The following THBS2 variants were observed in gnomAD, a reference collection of about 807,000 sequenced individuals.
The protein encoded by THBS2 is thrombospondin-2.
THBS2 carries 47 observed loss-of-function variants against 135.2 expected under a neutral mutation model. The observed-to-expected ratio is 0.35, with a 90% CI of 0.28 to 0.44. The LOEUF (loss-of-function observed/expected upper bound fraction) is 0.44. THBS2 is among the 20% of genes least tolerant of loss of function. The probability of loss-of-function intolerance (pLI) is 1.00; values close to 1 mark genes in which losing one functional copy is unlikely to be tolerated. For missense variants in THBS2, 1,288 were observed against 1,603.1 expected, an observed-to-expected ratio of 0.80 and a Z score of 3.36; for synonymous variants, 639 against 633.8, an observed-to-expected ratio of 1.01 and a Z score of -0.12.
chr6:169,218,164 TG>T (rs1454179118), intron 21 of THBS2, among the ~76,000 whole-genome samples: 2 of 121,772 alleles, frequency 1.6e-5, no homozygotes, highest in African/African-American at 3.3e-5. Flanking sequence ...ATGAAATGAG[TG>T]GGTGGATGGA....
intron 13 of THBS2, 58 bp from the exon 14 acceptor site, chr6:169,229,737 G>GAATGC: frequency 7.2e-7 from 1 of 1,391,426 alleles, no homozygotes; most frequent in South Asian, 1.2e-5. Context: ...CCTCTTTCAG[G>GAATGC]AATGCAGGTG....
At chr6:169,227,010 C>T (rs1248361072) in intron 15 of THBS2, among the ~76,000 whole-genome samples, 1 of 152,122 alleles carries the variant, frequency 6.6e-6, no homozygotes, top group East Asian at 1.9e-4. Flanking sequence ...CAGACGCCAT[C>T]CTGGATGGGG....
rs531791522 is a variant in THBS2, at chr6:169,251,676, G to A, written c.-22-870C>T. 1.0e-3 allele frequency among the ~76,000 whole-genome samples: 156 copies of A among 152,288 alleles called. 1 individual carries two copies. The highest frequency in any genetic ancestry group is 2.1e-3 in the African/African-American group (88 of 41,566). On this transcript the variant is annotated intron_variant, in intron 1 of 21. Transcript: ENST00000617924. The stretch of plus-strand genomic sequence containing the variant: ...TCCCATATTTAGAATATCAAAGGCC[G>A]TTAACTTCTCATTGTTAATCCAAGG...
chr6:169,246,324 A>G (rs777483055), intron 3 of THBS2, 43 bp from the exon 4 acceptor site: 10 of 1,493,398 alleles, frequency 6.7e-6, no homozygotes, highest in South Asian at 1.1e-5. Flanking sequence ...ACAGATAAAC[A>G]TCCAATGTTT....
chr6:169,224,828 G>A (rs113625608), intron 17 of THBS2, among the ~76,000 whole-genome samples: 1,627 of 152,154 alleles, frequency 0.011, 30 homozygotes, highest in African/African-American at 0.038. Context: ...TTCATCCTAC[G>A]TTCGTAACCC....
intron 4 of THBS2, among the ~76,000 whole-genome samples, chr6:169,242,469 C>T (rs1780345145): frequency 1.3e-5 from 2 of 151,910 alleles, no homozygotes; most frequent in Admixed American, 6.6e-5. Flanking sequence ...CCTTGCTCTG[C>T]TTTAAAGAAA....
intron 10 of THBS2, among the ~76,000 whole-genome samples, chr6:169,234,068 C>A (rs1779947168): frequency 6.6e-6 from 1 of 151,050 alleles, no homozygotes; most frequent in African/African-American, 2.4e-5. Flanking sequence ...TGCCCATGCA[C>A]CATGTTCCAC....
At chr6:169,224,839 G>A (rs192670388) in intron 17 of THBS2, among the ~76,000 whole-genome samples, 11 of 152,226 alleles carry the variant, frequency 7.2e-5, no homozygotes, top group Admixed American at 2.0e-4. Flanking sequence ...TTCGTAACCC[G>A]CATTCTTTCT....
chr6:169,240,705 T>C, intron 5 of THBS2, 113 bp from the exon 6 acceptor site: 2 of 1,361,992 alleles, frequency 1.5e-6, no homozygotes, highest in Non-Finnish European at 2.0e-6. Context: ...TAAAGTCAAG[T>C]AAGACTTGAC....
chr6:169,236,536 TC>T (rs1780087175), intron 9 of THBS2, among the ~76,000 whole-genome samples: 1 of 94,904 alleles, frequency 1.1e-5, no homozygotes, highest in Admixed American at 1.1e-4. Flanking sequence ...CCACACTCAT[TC>T]CCCATCCACA....
chr6:169,230,306 C>T (rs998392231), intron 13 of THBS2, among the ~76,000 whole-genome samples: 3 of 152,134 alleles, frequency 2.0e-5, no homozygotes, highest in African/African-American at 7.2e-5. Flanking sequence ...ATTGGAAATC[C>T]AGGAAAAGGT....
At chr6:169,236,822 C>T (rs1161754595) in intron 9 of THBS2, among the ~76,000 whole-genome samples, 3 of 151,220 alleles carry the variant, frequency 2.0e-5, no homozygotes, top group African/African-American at 7.3e-5. Flanking sequence ...ACTCACTCCC[C>T]GTCCACACTC....
intron 1 of THBS2, among the ~76,000 whole-genome samples, chr6:169,253,071 CTG>C (rs1200308429): frequency 1.3e-5 from 2 of 152,182 alleles, no homozygotes. Context: ...TTAAAAGTCG[CTG>C]TGTGTCCCGG....
chr6:169,248,507 G>A lies in THBS2; in HGVS notation c.519C>T (p.Phe173=), dbSNP rs117760328. 9.7e-4 allele frequency: 1,560 copies of A among 1,614,022 alleles called. 15 individuals carry two copies. The East Asian group carries it at 0.017, about 18-fold the overall frequency. The change falls in exon 3 of 22, where the codon TTC becomes TTT. Residue 173 remains phenylalanine (F), a synonymous_variant. Coordinates refer to ENST00000617924, the MANE Select transcript of THBS2 (RefSeq NM_003247.5). ...LHVGCDLIDS[F]ALDEPFYEHL... is the part of the protein sequence containing the mutation. The stretch of plus-strand genomic sequence containing the variant: ...GCTCGTAGAAGGGCTCGTCCAGAGC[G>A]AAGCTGTCTATGAGGTCGCAGCCCA...
At chr6:169,227,804 G>A (rs9406326) in intron 15 of THBS2, among the ~76,000 whole-genome samples, 24,862 of 152,210 alleles carry the variant, frequency 0.16, 2,332 homozygotes, top group East Asian at 0.4. Context: ...GCATTGGGCC[G>A]GGCGCGGTGG....
chr6:169,238,265 C>T (rs973209154), intron 7 of THBS2, among the ~76,000 whole-genome samples: 2 of 152,130 alleles, frequency 1.3e-5, no homozygotes, highest in African/African-American at 4.8e-5. Context: ...TCACTTATTT[C>T]CAAGTAAACT....
At chr6:169,242,923 CA>C (rs1420220655) in intron 4 of THBS2, among the ~76,000 whole-genome samples, 1 of 78,382 alleles carries the variant, frequency 1.3e-5, no homozygotes, top group African/African-American at 6.1e-5. Flanking sequence ...ACCTTCCCAC[CA>C]CTCCCACCTT....
chr6:169,249,025 T>C (rs772777972), intron 2 of THBS2, 52 bp from the exon 3 acceptor site: 1 of 1,534,450 alleles, frequency 6.5e-7, no homozygotes, highest in Non-Finnish European at 8.8e-7. Flanking sequence ...GAGGGCGAGG[T>C]TGGCCTGACC....
Position 169,241,730 on chromosome 6 carries a change from A to C in THBS2, c.891+32T>G. On this transcript the variant is annotated intron_variant, in intron 5 of 21. Coordinates refer to ENST00000617924, the MANE Select transcript of THBS2 (RefSeq NM_003247.5). This position sits in a 1 kb window ranked among gnomAD's most constrained non-coding sequence, Gnocchi z 5.5. Reference sequence around the variant, plus strand: ...CCAGCGGCGGAGCTGCCCATGCCCTATGACCCCCGCGGCCCCTGCGTGAGT... The same window carrying C: ...CCAGCGGCGGAGCTGCCCATGCCCTCTGACCCCCGCGGCCCCTGCGTGAGT... The C allele has an allele frequency of 9.3e-5, 146 of 1,569,116 alleles. No homozygotes were observed. The highest frequency in any genetic ancestry group is 1.9e-4 in the Middle Eastern group (1 of 5,340).
Sources: allele counts gnomAD v4.1 joint callset (sites outside exome capture counted in the v4.1 genomes callset), GRCh38; gene constraint gnomAD v4.1.1; non-coding constraint Gnocchi (gnomAD v3.1); transcripts MANE v1.5; gene names NCBI Gene and HGNC (gene_info 2026-07-23, HGNC 2026-07-21).